The following PTPRD variants were observed in gnomAD, a reference collection of about 807,000 sequenced individuals.
The protein encoded by PTPRD is protein tyrosine phosphatase receptor type D, also known as receptor-type tyrosine-protein phosphatase delta.
PTPRD carries 34 observed loss-of-function variants against 214.5 expected under a neutral mutation model. The ratio of observed to expected loss-of-function variants is 0.16; its 90% confidence interval spans 0.12 to 0.21. The LOEUF is 0.21. Among genes scored for constraint, PTPRD ranks in the 10% least tolerant of loss-of-function variants. The pLI is 1.00. For missense variants in PTPRD, 2,545 were observed against 2,398.7 expected, an observed-to-expected ratio of 1.06 and a Z score of -1.27; for synonymous variants, 1,128 against 845.7, an observed-to-expected ratio of 1.33 and a Z score of -5.79.
intron 7 of PTPRD, among the ~76,000 whole-genome samples, chr9:9,695,823 A>G (rs1397621953): frequency 6.6e-6 from 1 of 152,078 alleles, no homozygotes; most frequent in Non-Finnish European, 1.5e-5. Context: ...GAGGATGTTT[A>G]CATCTGTGTT....
intron 8 of PTPRD, among the ~76,000 whole-genome samples, chr9:9,464,498 G>C (rs62533171): frequency 2.6e-5 from 4 of 152,024 alleles, no homozygotes; most frequent in African/African-American, 9.7e-5. Context: ...ATATTGCTCT[G>C]TGTTTAAAAT....
intron 3 of PTPRD, among the ~76,000 whole-genome samples, chr9:10,071,301 G>A (rs1481246418): frequency 2.6e-5 from 4 of 151,966 alleles, no homozygotes; most frequent in Admixed American, 2.6e-4. Context: ...AAAGGGAGAA[G>A]GCATAGGATA....
intron 5 of PTPRD, among the ~76,000 whole-genome samples, chr9:9,881,301 A>G (rs1408379171): frequency 2.6e-5 from 4 of 152,260 alleles, no homozygotes; most frequent in Admixed American, 2.6e-4. Context: ...ATTTAATATC[A>G]GACTCTACCA....
intron 3 of PTPRD, among the ~76,000 whole-genome samples, chr9:10,178,310 A>G (rs2099261356): frequency 6.6e-6 from 1 of 151,886 alleles, no homozygotes; most frequent in Admixed American, 6.6e-5. Context: ...CACCTTCCCT[A>G]CCAACATGTC....
At chr9:9,780,536 A>G (rs987593213) in intron 5 of PTPRD, among the ~76,000 whole-genome samples, 3 of 152,226 alleles carry the variant, frequency 2.0e-5, no homozygotes, top group Non-Finnish European at 4.4e-5. Flanking sequence ...ACAAAGAGTT[A>G]CCACCAAATG....
intron 8 of PTPRD, among the ~76,000 whole-genome samples, chr9:9,452,765 A>G (rs946777742): frequency 6.6e-6 from 1 of 151,416 alleles, no homozygotes; most frequent in Non-Finnish European, 1.5e-5. Context: ...ATATCCCTAA[A>G]GGAAAATGTA....
chr9:9,487,442 T>G (rs1228301842), intron 8 of PTPRD, among the ~76,000 whole-genome samples: 7 of 152,198 alleles, frequency 4.6e-5, no homozygotes, highest in Non-Finnish European at 7.3e-5. Flanking sequence ...TGCCACATTT[T>G]CTTAATCCAG....
chr9:8,639,284 A>G (rs2096522059), intron 12 of PTPRD, among the ~76,000 whole-genome samples: 1 of 152,232 alleles, frequency 6.6e-6, no homozygotes, highest in African/African-American at 2.4e-5. Flanking sequence ...ATTGATAATA[A>G]CTACTTGCTT....
chr9:10,404,260 T>G (rs1244401126), intron 2 of PTPRD, among the ~76,000 whole-genome samples: 1 of 151,820 alleles, frequency 6.6e-6, no homozygotes, highest in African/African-American at 2.4e-5. Flanking sequence ...GTTATAGATT[T>G]CTAAATAGTT....
intron 3 of PTPRD, among the ~76,000 whole-genome samples, chr9:10,221,981 A>G (rs1490199115): frequency 2.0e-5 from 3 of 151,944 alleles, no homozygotes; most frequent in Non-Finnish European, 4.4e-5. Flanking sequence ...CTTCAACAGA[A>G]CAAACTTGTT....
At chr9:8,457,070 C>T (rs545026695) in intron 33 of PTPRD, among the ~76,000 whole-genome samples, 13 of 152,196 alleles carry the variant, frequency 8.5e-5, no homozygotes, top group South Asian at 2.1e-4. Flanking sequence ...AGTAGATGGA[C>T]GTGCAGTACC....
intron 9 of PTPRD, among the ~76,000 whole-genome samples, chr9:9,195,433 G>T (rs1471030746): frequency 6.6e-6 from 1 of 152,092 alleles, no homozygotes; most frequent in East Asian, 1.9e-4. Context: ...CTAAATACAG[G>T]CCAATTGGTC....
At chr9:10,129,795 C>T (rs980941725) in intron 3 of PTPRD, among the ~76,000 whole-genome samples, 1 of 151,976 alleles carries the variant, frequency 6.6e-6, no homozygotes. Context: ...GCTAAATTGG[C>T]TGACTTTTGG....
At chr9:10,207,450 T>G (rs901099901) in intron 3 of PTPRD, among the ~76,000 whole-genome samples, 2 of 151,724 alleles carry the variant, frequency 1.3e-5, no homozygotes, top group East Asian at 3.9e-4. Flanking sequence ...TAAAAATAAC[T>G]AGAAAGGGTT....
intron 11 of PTPRD, among the ~76,000 whole-genome samples, chr9:8,993,970 C>T (rs562157069): frequency 3.0e-4 from 46 of 152,158 alleles, no homozygotes; most frequent in African/African-American, 1.0e-3. Context: ...AGGGAGTCAT[C>T]GTTGCATCCC....
In PTPRD at chr9:8,945,507, G is replaced by A. The variant is rs145304329; in HGVS notation, c.-104+73190C>T. Reference sequence around the variant, plus strand: ...CTATCTACTGCAATTCATCTTGCTCGCTAGAATCCTCCTAAAGCATTCCAT... The same window carrying A: ...CTATCTACTGCAATTCATCTTGCTCACTAGAATCCTCCTAAAGCATTCCAT... On this transcript the variant is annotated intron_variant, in intron 11 of 45. Transcript: ENST00000381196. Among the ~76,000 whole-genome samples, 9 of 151,380 alleles carry A rather than the reference G, an allele frequency of 5.9e-5. No homozygotes were observed. The South Asian group carries it at 1.0e-3, about 18-fold the overall frequency.
At chr9:10,344,049 T>A (rs1326697438) in intron 2 of PTPRD, among the ~76,000 whole-genome samples, 6 of 147,334 alleles carry the variant, frequency 4.1e-5, no homozygotes, top group African/African-American at 7.5e-5. Context: ...CCCATTTGTC[T>A]ATTTTGGCTT....
chr9:9,948,822 A>G (rs950527570), intron 4 of PTPRD, among the ~76,000 whole-genome samples: 4 of 152,130 alleles, frequency 2.6e-5, no homozygotes, highest in Admixed American at 2.6e-4. Context: ...TAAGGGCAAA[A>G]AAGATTGAGT....
intron 4 of PTPRD, among the ~76,000 whole-genome samples, chr9:10,018,466 T>C (rs1251233854): frequency 6.6e-6 from 1 of 151,680 alleles, no homozygotes; most frequent in African/African-American, 2.4e-5. Flanking sequence ...TTTTATTTTT[T>C]AAGCTTTTAA....
Sources: gnomAD v4.1 joint callset for allele counts (sites outside exome capture counted in the v4.1 genomes callset) on GRCh38, gnomAD v4.1.1 for gene constraint, MANE v1.5 for transcripts, NCBI Gene and HGNC (gene_info 2026-07-23, HGNC 2026-07-21) for gene names.